The following FAM135A variants were observed in gnomAD, a reference collection of about 807,000 sequenced individuals.
FAM135A encodes protein FAM135A.
Under a neutral mutation model 146.8 loss-of-function variants are expected in FAM135A, and 79 were observed. That is an observed-to-expected ratio of 0.54 (90% CI 0.45 to 0.65). The LOEUF (loss-of-function observed/expected upper bound fraction) is 0.65. Ranked by LOEUF, FAM135A falls within the 30% of genes least tolerant of loss-of-function variation. The pLI is 0.00. For missense variants in FAM135A, 1,623 were observed against 1,758.2 expected (o/e 0.92, Z 1.38); for synonymous variants, 562 against 603.6 (o/e 0.93, Z 1.01).
At chr6:70,475,388 T>C (rs751487557) in intron 5 of FAM135A, 22 bp from the exon 6 acceptor site, 1 of 1,536,722 alleles carries the variant, frequency 6.5e-7, no homozygotes, top group South Asian at 1.3e-5. Context: ...TATCTGTCAA[T>C]TACATATCTT....
chr6:70,553,088 G>T (rs1198906717), intron 20 of FAM135A, among the ~76,000 whole-genome samples: 1 of 152,004 alleles, frequency 6.6e-6, no homozygotes, highest in African/African-American at 2.4e-5. Flanking sequence ...AATAGCAAAT[G>T]ATTATATTTT....
intron 5 of FAM135A, among the ~76,000 whole-genome samples, chr6:70,455,337 G>A (rs1778093040): frequency 6.6e-6 from 1 of 151,280 alleles, no homozygotes; most frequent in Non-Finnish European, 1.5e-5. Flanking sequence ...TTATCTTCCT[G>A]AAGACTATTA....
chr6:70,500,817 C>T (rs1788329728), intron 11 of FAM135A, among the ~76,000 whole-genome samples: 1 of 152,220 alleles, frequency 6.6e-6, no homozygotes, highest in East Asian at 1.9e-4. Context: ...GGAGGCTGCA[C>T]AACAGCAAAG....
chr6:70,548,365 C>T (rs1024556469), intron 20 of FAM135A, among the ~76,000 whole-genome samples: 4 of 152,060 alleles, frequency 2.6e-5, no homozygotes, highest in African/African-American at 4.8e-5. Flanking sequence ...ACAGTACTGT[C>T]GTAAGAATCA....
rs117668110 is a variant in FAM135A, at chr6:70,546,062, G to A, written c.4228+7661G>A. Reference sequence around the variant, plus strand: ...TGTTGGGTTTTGGGGTTTTTTTTTCGGGGGGGCATATCTAGTGAATTGTGA... The same window carrying A: ...TGTTGGGTTTTGGGGTTTTTTTTTCAGGGGGGCATATCTAGTGAATTGTGA... On this transcript the variant is annotated intron_variant, in intron 20 of 21. Transcript: ENST00000418814. Among the ~76,000 whole-genome samples, 958 of 151,390 alleles carry A rather than the reference G, an allele frequency of 6.3e-3. 8 individuals are homozygous for A. The highest frequency in any genetic ancestry group is 0.022 in the East Asian group (116 of 5,172).
chr6:70,434,535 A>T (rs1161001847), intron 4 of FAM135A, among the ~76,000 whole-genome samples: 1 of 152,232 alleles, frequency 6.6e-6, no homozygotes, highest in East Asian at 1.9e-4. Flanking sequence ...GTGCTTTGCA[A>T]TATAGTTGAT....
chr6:70,494,371 TGTA>T (rs1272273284), intron 11 of FAM135A, among the ~76,000 whole-genome samples: 1 of 151,918 alleles, frequency 6.6e-6, no homozygotes, highest in Non-Finnish European at 1.5e-5. Context: ...GGCACACAAT[TGTA>T]GTCCCAGCTA....
chr6:70,434,207 G>A lies in FAM135A; in HGVS notation c.77+5788G>A, dbSNP rs147244613. On this transcript the variant is annotated intron_variant, in intron 4 of 21. Coordinates refer to ENST00000418814, the MANE Select transcript of FAM135A (RefSeq NM_001162529.3). ...GGACTCCAAAGGAGAAGGAAATATT[G>A]CCCTTTAAATAGACACAGAAACATT... Among the ~76,000 whole-genome samples the A allele has an allele frequency of 5.6e-3, 857 of 152,244 alleles. 3 individuals carry two copies. The highest frequency in any genetic ancestry group is 8.2e-3 in the Non-Finnish European group (558 of 67,998).
intron 18 of FAM135A, 142 bp downstream of exon 18, chr6:70,533,996 AT>A: frequency 2.4e-6 from 1 of 415,216 alleles, no homozygotes; most frequent in Non-Finnish European, 4.1e-6. Flanking sequence ...AAAAGTAAAG[AT>A]TTTAGGGAAA....
intron 20 of FAM135A, among the ~76,000 whole-genome samples, chr6:70,540,646 A>C (rs1797751097): frequency 6.6e-6 from 1 of 151,896 alleles, no homozygotes; most frequent in Admixed American, 6.6e-5. Flanking sequence ...CATTTTCTTA[A>C]GTCTCCCTCC....
chr6:70,479,084 G>C (rs1783197099), intron 8 of FAM135A, among the ~76,000 whole-genome samples: 1 of 151,986 alleles, frequency 6.6e-6, no homozygotes, highest in Admixed American at 6.6e-5. Flanking sequence ...TAATTAAATT[G>C]TTTTAACTAT....
At position 70,514,343 on chromosome 6, in the gene FAM135A, C is replaced by T. The variant is rs111921356; in HGVS notation, c.1030-8170C>T. On this transcript the variant is annotated intron_variant, in intron 12 of 21. Transcript: ENST00000418814. ...TTAAATTTCCATTTGGTTCTCTTCA[C>T]GTATAATACTTCCATTTTTATGCTG... 5.6e-3 allele frequency among the ~76,000 whole-genome samples: 845 copies of T among 152,174 alleles called. 5 individuals carry two copies. The highest frequency in any genetic ancestry group is 0.019 in the African/African-American group (792 of 41,508).
At chr6:70,533,657 C>CT (rs1186759501) in intron 17 of FAM135A, 100 bp from the exon 18 acceptor site, 2 of 711,790 alleles carry the variant, frequency 2.8e-6, no homozygotes, top group African/African-American at 3.8e-5. Context: ...TGAACTTAAC[C>CT]ATACTTTCAG....
chr6:70,446,662 A>G (rs1775823043), intron 4 of FAM135A, among the ~76,000 whole-genome samples: 1 of 152,216 alleles, frequency 6.6e-6, no homozygotes, highest in Non-Finnish European at 1.5e-5. Context: ...TCATAGAGTA[A>G]TTACATTGAG....
intron 5 of FAM135A, among the ~76,000 whole-genome samples, chr6:70,455,495 T>C (rs1156443570): frequency 6.6e-6 from 1 of 152,162 alleles, no homozygotes; most frequent in East Asian, 1.9e-4. Context: ...GAATTTATTC[T>C]TCGCTTGGCA....
At chr6:70,483,084 A>G (rs1045032697) in intron 10 of FAM135A, among the ~76,000 whole-genome samples, 1 of 152,160 alleles carries the variant, frequency 6.6e-6, no homozygotes, top group African/African-American at 2.4e-5. Flanking sequence ...TGGGTTTGAG[A>G]CTAATCAGAC....
chr6:70,520,247 A>C (rs1008392914), intron 12 of FAM135A, among the ~76,000 whole-genome samples: 1 of 152,204 alleles, frequency 6.6e-6, no homozygotes, highest in Admixed American at 6.5e-5. Flanking sequence ...ACTAGTAAGT[A>C]TAAATCAGCT....
chr6:70,475,414 G>A lies in FAM135A; in HGVS notation c.162G>A (p.Met54Ile). 2 of 1,576,496 alleles carry A rather than the reference G, an allele frequency of 1.3e-6. No individual in the cohort carries two copies. Among genetic ancestry groups the A allele is most frequent in the Non-Finnish European group, 1.7e-6 (2 of 1,162,998 alleles). Residue 54 changes from methionine (M) to isoleucine (I), a missense_variant, in exon 6 of 22, where the codon ATG becomes ATA. This residue lies in a region of FAM135A where 171 missense variants were observed against 164.9 expected (regional missense o/e 1.04). Transcript: ENST00000418814. Reference protein sequence around the residue: ...VEASLLHATGMTLAFPASVHD... With the variant: ...VEASLLHATGITLAFPASVHD... ...TACATATCTTATCTGTTTTAGGTATGACTTTAGCCTTTCCAGCCTCAGTTC... is the reference window on the plus strand; with the variant it reads ...TACATATCTTATCTGTTTTAGGTATAACTTTAGCCTTTCCAGCCTCAGTTC...
At position 70,415,757 on chromosome 6, in the gene FAM135A, T is replaced by G. The variant is rs188114829; in HGVS notation, c.-134+381T>G. ...TGCTCTTATAAATTAAATAGGGATTTGTGGTGGACAGCAGGCAGAAGACTA... is the reference window on the plus strand; with the variant it reads ...TGCTCTTATAAATTAAATAGGGATTGGTGGTGGACAGCAGGCAGAAGACTA... On this transcript the variant is annotated intron_variant, in intron 2 of 21. Transcript: ENST00000418814. Among the ~76,000 whole-genome samples the G allele has an allele frequency of 3.9e-3, 597 of 152,256 alleles. 8 individuals are homozygous for G. The highest frequency in any genetic ancestry group is 0.014 in the African/African-American group (576 of 41,546).
Sources: allele counts gnomAD v4.1 joint callset (sites outside exome capture counted in the v4.1 genomes callset), GRCh38; gene constraint gnomAD v4.1.1; regional missense constraint gnomAD v4.1.1; transcripts MANE v1.5; gene names NCBI Gene and HGNC (gene_info 2026-07-23, HGNC 2026-07-21).